The following DCC variants were observed in gnomAD, a reference collection of about 807,000 sequenced individuals.
DCC encodes the protein DCC netrin 1 receptor.
In DCC, 58 loss-of-function variants were observed where a neutral mutation model predicts 172.5. The ratio of observed to expected loss-of-function variants is 0.34; its 90% CI spans 0.27 to 0.42. The LOEUF is 0.42. DCC is among the 10% of genes least tolerant of loss of function. The pLI is 1.00. For missense variants in DCC, 1,740 were observed against 1,791.0 expected, an observed-to-expected ratio of 0.97 and a Z score of 0.51; for synonymous variants, 709 against 644.5, an observed-to-expected ratio of 1.10 and a Z score of -1.52.
At chr18:52,396,574 A>G (rs1460424488) in intron 1 of DCC, among the ~76,000 whole-genome samples, 3 of 152,148 alleles carry the variant, frequency 2.0e-5, no homozygotes, top group Non-Finnish European at 2.9e-5. Flanking sequence ...CTTGTTAGGA[A>G]AAGGCTCTCT....
intron 2 of DCC, among the ~76,000 whole-genome samples, chr18:52,853,445 A>G (rs1405227256): frequency 6.6e-6 from 1 of 152,232 alleles, no homozygotes; most frequent in African/African-American, 2.4e-5. Flanking sequence ...ATTAAATTTC[A>G]CAACCATTTT....
intron 5 of DCC, among the ~76,000 whole-genome samples, chr18:53,019,871 A>G (rs1228497037): frequency 6.6e-6 from 1 of 152,170 alleles, no homozygotes. Flanking sequence ...ACCCTTTACA[A>G]AAAGGACCTT....
intron 1 of DCC, among the ~76,000 whole-genome samples, chr18:52,664,545 A>G (rs1458489662): frequency 1.5e-5 from 2 of 130,966 alleles, no homozygotes; most frequent in African/African-American, 3.0e-5. Flanking sequence ...ATCTCGGCTC[A>G]CTGCAAACTC....
chr18:52,832,544 T>A (rs1287825641), intron 2 of DCC, among the ~76,000 whole-genome samples: 2 of 152,152 alleles, frequency 1.3e-5, no homozygotes, highest in African/African-American at 4.8e-5. Context: ...CCTGCTGTAC[T>A]AACTCAAAAA....
At chr18:53,397,537 A>G (rs1448058351) in intron 18 of DCC, 91 bp downstream of exon 18, 5 of 1,329,348 alleles carry the variant, frequency 3.8e-6, no homozygotes, top group African/African-American at 2.9e-5. Context: ...TGGTGTCTCA[A>G]TTATACCTTA....
At chr18:52,890,125 A>C (rs2039627049) in intron 2 of DCC, among the ~76,000 whole-genome samples, 1 of 152,148 alleles carries the variant, frequency 6.6e-6, no homozygotes, top group Non-Finnish European at 1.5e-5. Context: ...AAAATAGAAA[A>C]ATAGATTTGA....
chr18:52,602,635 C>A (rs1231244440), intron 1 of DCC, among the ~76,000 whole-genome samples: 1 of 151,968 alleles, frequency 6.6e-6, no homozygotes, highest in African/African-American at 2.4e-5. Context: ...AATAAGTTGT[C>A]TCATGCTTAC....
intron 5 of DCC, among the ~76,000 whole-genome samples, chr18:53,009,024 G>A (rs911104679): frequency 6.6e-6 from 1 of 151,872 alleles, no homozygotes; most frequent in South Asian, 2.1e-4. Flanking sequence ...AAGATGATGA[G>A]AGTAGAATAC....
chr18:52,971,960 C>T (rs2041037276), intron 5 of DCC, among the ~76,000 whole-genome samples: 1 of 152,200 alleles, frequency 6.6e-6, no homozygotes, highest in Admixed American at 6.5e-5. Context: ...GGCATCAGAA[C>T]ACCACTTCCC....
chr18:52,830,598 A>T (rs966407658), intron 2 of DCC, among the ~76,000 whole-genome samples: 3 of 152,140 alleles, frequency 2.0e-5, no homozygotes, highest in African/African-American at 7.2e-5. Context: ...CTATTACTAG[A>T]CTATCTGTAG....
intron 12 of DCC, among the ~76,000 whole-genome samples, chr18:53,243,227 C>T (rs1247540570): frequency 2.0e-5 from 3 of 152,066 alleles, no homozygotes; most frequent in Admixed American, 2.0e-4. Context: ...CAACATCTGA[C>T]TGTATTGTGG....
At chr18:52,696,243 C>T (rs983106573) in intron 1 of DCC, among the ~76,000 whole-genome samples, 1 of 152,144 alleles carries the variant, frequency 6.6e-6, no homozygotes. Context: ...GACCTTGAAG[C>T]CTTTCTGTTC....
chr18:52,447,016 C>T (rs113303815), intron 1 of DCC, among the ~76,000 whole-genome samples: 13 of 152,200 alleles, frequency 8.5e-5, no homozygotes, highest in African/African-American at 2.9e-4. Context: ...TATACTCTTC[C>T]ACAGTAATAT....
intron 26 of DCC, among the ~76,000 whole-genome samples, chr18:53,488,977 T>A (rs1057314411): frequency 6.6e-6 from 1 of 151,546 alleles, no homozygotes; most frequent in Non-Finnish European, 1.5e-5. Flanking sequence ...GCCAACATGG[T>A]GAAACCGCAT....
At chr18:52,905,844 C>T (rs540961556) in intron 2 of DCC, among the ~76,000 whole-genome samples, 200 bp from the exon 3 acceptor site, 1 of 152,242 alleles carries the variant, frequency 6.6e-6, no homozygotes, top group Admixed American at 6.5e-5. Context: ...ATGACAACAT[C>T]TTCATTACTT....
intron 1 of DCC, among the ~76,000 whole-genome samples, chr18:52,551,638 T>C (rs1598907339): frequency 6.6e-6 from 1 of 151,944 alleles, no homozygotes; most frequent in East Asian, 1.9e-4. Flanking sequence ...CTTTGAATAA[T>C]GAATGAGCTA....
At chr18:52,764,765 A>G (rs991418987) in intron 2 of DCC, among the ~76,000 whole-genome samples, 1 of 152,202 alleles carries the variant, frequency 6.6e-6, no homozygotes, top group Admixed American at 6.5e-5. Context: ...AGTAATACAC[A>G]TAGTCTAAGA....
rs1267822179 is a variant in DCC at position 53,157,681 on chromosome 18, G to A, written c.1418+169G>A. Among the ~76,000 whole-genome samples the A allele has an allele frequency of 2.0e-5, 3 of 152,246 alleles. No individual in the cohort carries two copies. In the East Asian group the frequency reaches 5.8e-4, roughly 29 times the overall value. On this transcript the variant is annotated intron_variant, in intron 8 of 28. Coordinates refer to ENST00000442544, the MANE Select transcript of DCC (RefSeq NM_005215.4). Reference sequence around the variant, plus strand: ...GAGATGTGCACTTTTAAAAAGCAGTGTTGTTGACACAGTCTAATGAAATTA... The same window carrying A: ...GAGATGTGCACTTTTAAAAAGCAGTATTGTTGACACAGTCTAATGAAATTA...
Position 52,596,555 on chromosome 18 carries a change from T to C in DCC, c.92-155499T>C, listed in dbSNP as rs555567590. Among the ~76,000 whole-genome samples the C allele has an allele frequency of 2.6e-4, 40 of 152,304 alleles. No individual in the cohort carries two copies. The South Asian group carries it at 5.6e-3, about 21-fold the overall frequency. On this transcript the variant is annotated intron_variant, in intron 1 of 28. Coordinates refer to ENST00000442544, the MANE Select transcript of DCC (RefSeq NM_005215.4). ...ACTTTGGGCTGGGTAATCTGTATTT[T>C]AGCAAGCCCACCAGATAATTCTGAT...
Sources: gnomAD v4.1 joint callset for allele counts (sites outside exome capture counted in the v4.1 genomes callset) on GRCh38, gnomAD v4.1.1 for gene constraint, MANE v1.5 for transcripts, NCBI Gene and HGNC (gene_info 2026-07-23, HGNC 2026-07-21) for gene names.